The following C10orf90 variants were observed in gnomAD, a reference collection of about 807,000 sequenced individuals.
The protein encoded by C10orf90 is chromosome 10 open reading frame 90.
C10orf90 carries 56 observed loss-of-function variants against 62.5 expected under a neutral mutation model. The observed-to-expected ratio is 0.90, with a 90% CI of 0.72 to 1.12. The LOEUF (loss-of-function observed/expected upper bound fraction) is 1.12. Ranked by LOEUF, C10orf90 falls within the 50% of genes most tolerant of loss-of-function variation. The pLI is 0.00. For synonymous variants in C10orf90, 386 were observed against 340.4 expected (o/e 1.13, Z -1.47); for missense variants, 970 against 880.4 (o/e 1.10, Z -1.29).
intron 2 of C10orf90, among the ~76,000 whole-genome samples, chr10:126,528,209 C>T (rs1233354552): frequency 6.6e-6 from 1 of 152,020 alleles, no homozygotes; most frequent in Non-Finnish European, 1.5e-5. Context: ...CGCGGGTCAA[C>T]CAGGCCTCAG....
intron 2 of C10orf90, among the ~76,000 whole-genome samples, chr10:126,522,380 CT>C (rs1158308237): frequency 6.6e-6 from 1 of 152,236 alleles, no homozygotes; most frequent in Non-Finnish European, 1.5e-5. Context: ...AACTGCATAA[CT>C]TATTGCCTTT....
At chr10:126,497,229 G>A (rs1469472119) in intron 4 of C10orf90, among the ~76,000 whole-genome samples, 2 of 152,200 alleles carry the variant, frequency 1.3e-5, no homozygotes, top group Non-Finnish European at 2.9e-5. Context: ...GGAGGCCAAG[G>A]TTGAATTGCA....
intron 7 of C10orf90, among the ~76,000 whole-genome samples, chr10:126,438,192 C>G (rs1372566457): frequency 6.6e-6 from 1 of 152,164 alleles, no homozygotes; most frequent in Non-Finnish European, 1.5e-5. Context: ...TGCACCCAAC[C>G]CTACTGCCCA....
chr10:126,462,808 C>A (rs1385167841), intron 5 of C10orf90, among the ~76,000 whole-genome samples: 1 of 152,170 alleles, frequency 6.6e-6, no homozygotes, highest in Non-Finnish European at 1.5e-5. Context: ...TGTCCAACCT[C>A]TGCTCAAAAT....
intron 8 of C10orf90, among the ~76,000 whole-genome samples, chr10:126,429,511 C>T (rs571257401): frequency 6.6e-6 from 1 of 152,350 alleles, no homozygotes; most frequent in South Asian, 2.1e-4. Context: ...AGTTCCAGCT[C>T]AGAGTCTGGG....
intron 2 of C10orf90, among the ~76,000 whole-genome samples, chr10:126,643,746 A>G (rs950341164): frequency 3.9e-5 from 6 of 152,214 alleles, no homozygotes; most frequent in Middle Eastern, 6.3e-3. Context: ...CTGGTCTCCA[A>G]ACCCAGAGTT....
At chr10:126,530,901 C>T (rs963070585) in intron 2 of C10orf90, among the ~76,000 whole-genome samples, 7 of 152,066 alleles carry the variant, frequency 4.6e-5, no homozygotes, top group Admixed American at 1.3e-4. Context: ...AGGCCAGGCG[C>T]GGTGGCTCAC....
chr10:126,498,074 C>T (rs1328981472), intron 4 of C10orf90, among the ~76,000 whole-genome samples: 1 of 152,196 alleles, frequency 6.6e-6, no homozygotes, highest in Non-Finnish European at 1.5e-5. Context: ...GATTCTCAAC[C>T]ATGCACCCAA....
intron 3 of C10orf90, among the ~76,000 whole-genome samples, chr10:126,506,044 A>G (rs1247980568): frequency 6.6e-6 from 1 of 152,222 alleles, no homozygotes; most frequent in Non-Finnish European, 1.5e-5. Flanking sequence ...AGATGATTTC[A>G]CTTATCAGAA....
chr10:126,552,571 G>A (rs777240772), intron 2 of C10orf90, among the ~76,000 whole-genome samples: 2 of 152,188 alleles, frequency 1.3e-5, no homozygotes, highest in Non-Finnish European at 2.9e-5. Context: ...GCCAGGAGAC[G>A]CTGTCTTATA....
intron 4 of C10orf90, among the ~76,000 whole-genome samples, chr10:126,498,536 A>G (rs1051782254): frequency 2.6e-5 from 4 of 152,282 alleles, no homozygotes; most frequent in African/African-American, 9.6e-5. Context: ...TTATGGAGTC[A>G]CAGAGCGGAA....
At chr10:126,617,782 T>C (rs1443668710) in intron 2 of C10orf90, among the ~76,000 whole-genome samples, 2 of 152,196 alleles carry the variant, frequency 1.3e-5, no homozygotes. Context: ...ACAGTTTATC[T>C]CTACAGTAAA....
chr10:126,489,207 T>G (rs767644397), intron 4 of C10orf90, among the ~76,000 whole-genome samples: 4 of 152,112 alleles, frequency 2.6e-5, no homozygotes, highest in Non-Finnish European at 5.9e-5. Context: ...ATCCTGGAAA[T>G]AGTTAATGTA....
intron 2 of C10orf90, among the ~76,000 whole-genome samples, chr10:126,637,886 T>A (rs1175749080): frequency 6.6e-6 from 1 of 151,954 alleles, no homozygotes. Context: ...TGGCTGTAGA[T>A]GGAGATGAGA....
At chr10:126,496,089 A>G (rs1318203474) in intron 4 of C10orf90, among the ~76,000 whole-genome samples, 1 of 152,216 alleles carries the variant, frequency 6.6e-6, no homozygotes, top group African/African-American at 2.4e-5. Context: ...TTGCTCTGCA[A>G]TATCCCTAAT....
chr10:126,584,935 C>T (rs559219450), intron 2 of C10orf90, among the ~76,000 whole-genome samples: 25 of 152,120 alleles, frequency 1.6e-4, no homozygotes, highest in African/African-American at 5.8e-4. Context: ...CAGACACATA[C>T]ACATGCACTA....
chr10:126,550,176 G>A (rs185632302), intron 2 of C10orf90, among the ~76,000 whole-genome samples: 1 of 151,986 alleles, frequency 6.6e-6, no homozygotes, highest in Admixed American at 6.5e-5. Context: ...GGCTGGTCTC[G>A]AACTCCTGAC....
intron 6 of C10orf90, among the ~76,000 whole-genome samples, chr10:126,461,058 C>G (rs1332973080): frequency 6.6e-6 from 1 of 152,146 alleles, no homozygotes; most frequent in African/African-American, 2.4e-5. Flanking sequence ...TCTGGAGCCC[C>G]TATATGCTCC....
At chr10:126,438,646 A>G (rs1432003412) in intron 7 of C10orf90, among the ~76,000 whole-genome samples, 2 of 152,194 alleles carry the variant, frequency 1.3e-5, no homozygotes, top group Admixed American at 6.5e-5. Flanking sequence ...AATGAGATCA[A>G]CTATAGGATA....
Sources: gnomAD v4.1 joint callset for allele counts (sites outside exome capture counted in the v4.1 genomes callset) on GRCh38, gnomAD v4.1.1 for gene constraint, MANE v1.5 for transcripts, NCBI Gene and HGNC (gene_info 2026-07-23, HGNC 2026-07-21) for gene names.